The following SUPT3H variants were observed in gnomAD, a reference collection of about 807,000 sequenced individuals.
SUPT3H encodes transcription initiation protein SPT3 homolog.
A neutral mutation model predicts 44.3 loss-of-function variants in SUPT3H; 44 were observed. The observed-to-expected ratio is 0.99, with a 90% CI of 0.78 to 1.28. The LOEUF is 1.28. SUPT3H is among the 50% of genes most tolerant of loss of function. The pLI, the probability that SUPT3H is intolerant of heterozygous loss-of-function variation, is 0.00. For missense variants in SUPT3H, 380 were observed against 387.1 expected (o/e 0.98, Z 0.15); for synonymous variants, 124 against 125.6 (o/e 0.99, Z 0.09).
chr6:44,938,294 C>G (rs115645158), intron 9 of SUPT3H, among the ~76,000 whole-genome samples: 2,697 of 152,134 alleles, frequency 0.018, 51 homozygotes, highest in South Asian at 0.092. Flanking sequence ...TCTGCATATG[C>G]TGATCCAATT....
At chr6:44,925,406 C>T (rs1769368329) in intron 10 of SUPT3H, among the ~76,000 whole-genome samples, 1 of 152,292 alleles carries the variant, frequency 6.6e-6, no homozygotes, top group African/African-American at 2.4e-5. Flanking sequence ...TATTGTCTCA[C>T]TATTCTAGTT....
intron 2 of SUPT3H, among the ~76,000 whole-genome samples, chr6:45,227,183 T>C (rs1005498534): frequency 1.3e-5 from 2 of 151,778 alleles, no homozygotes; most frequent in Middle Eastern, 3.4e-3. Context: ...ATAGTTAGTA[T>C]ATGAAATAAT....
chr6:45,043,125 T>C (rs1284093676), intron 3 of SUPT3H, among the ~76,000 whole-genome samples: 2 of 119,746 alleles, frequency 1.7e-5, no homozygotes, highest in Non-Finnish European at 3.5e-5. Context: ...GGGAGCCTTG[T>C]ATCTTACATA....
chr6:45,257,718 A>C (rs2153655974), intron 2 of SUPT3H, among the ~76,000 whole-genome samples: 1 of 152,268 alleles, frequency 6.6e-6, no homozygotes, highest in Non-Finnish European at 1.5e-5. Context: ...AGAGAACAAG[A>C]GGGAGCCAAA....
chr6:44,955,776 A>G (rs1775033973), intron 7 of SUPT3H, among the ~76,000 whole-genome samples: 1 of 152,168 alleles, frequency 6.6e-6, no homozygotes, highest in African/African-American at 2.4e-5. Context: ...TGGGTACAAT[A>G]TACACACTGC....
At chr6:45,166,689 T>A (rs1809936806) in intron 2 of SUPT3H, among the ~76,000 whole-genome samples, 1 of 146,466 alleles carries the variant, frequency 6.8e-6, no homozygotes. Context: ...AAAAGCAAAA[T>A]CCCCAAAAAT....
chr6:45,080,543 C>T (rs190677931), intron 3 of SUPT3H, among the ~76,000 whole-genome samples: 92 of 151,700 alleles, frequency 6.1e-4, no homozygotes, highest in East Asian at 5.0e-3. Context: ...TGTCCATCAA[C>T]AGAAGAATGA....
intron 2 of SUPT3H, among the ~76,000 whole-genome samples, chr6:45,214,431 A>G (rs1257187374): frequency 6.6e-6 from 1 of 152,192 alleles, no homozygotes; most frequent in Non-Finnish European, 1.5e-5. Flanking sequence ...CATACAAAAA[A>G]AAATGAAAAA....
chr6:44,849,130 G>A (rs536347987), intron 10 of SUPT3H, among the ~76,000 whole-genome samples: 5 of 151,274 alleles, frequency 3.3e-5, no homozygotes, highest in African/African-American at 1.2e-4. Flanking sequence ...AATATTTGTT[G>A]AATAAATTTA....
chr6:45,340,785 C>T lies in SUPT3H; in HGVS notation c.101+24416G>A, dbSNP rs190134956. 9.1e-3 allele frequency among the ~76,000 whole-genome samples: 1,380 copies of T among 152,114 alleles called. 14 individuals carry two copies. The highest frequency in any genetic ancestry group is 0.028 in the South Asian group (137 of 4,810). On this transcript the variant is annotated intron_variant, in intron 2 of 10. Transcript: ENST00000371459. The stretch of plus-strand genomic sequence containing the variant: ...TTAAACACTTAAACACCAAGAATGT[C>T]TAATCCTCATTTATAAAATTAAAAT...
intron 9 of SUPT3H, among the ~76,000 whole-genome samples, chr6:44,943,151 G>A (rs35103634): frequency 0.12 from 18,206 of 151,132 alleles, 1,427 homozygotes; most frequent in East Asian, 0.27. Context: ...TGTAACAAAC[G>A]GACAAATAAA....
intron 2 of SUPT3H, among the ~76,000 whole-genome samples, chr6:45,305,476 C>T (rs1172479003): frequency 6.6e-6 from 1 of 152,190 alleles, no homozygotes; most frequent in Non-Finnish European, 1.5e-5. Flanking sequence ...AATGTTCCTT[C>T]CACCAACTTG....
At chr6:45,234,356 C>A (rs902084315) in intron 2 of SUPT3H, among the ~76,000 whole-genome samples, 1 of 151,822 alleles carries the variant, frequency 6.6e-6, no homozygotes, top group Non-Finnish European at 1.5e-5. Flanking sequence ...CATGGTGAAA[C>A]CCTGTCTCTA....
At chr6:44,887,733 T>C (rs1447823006) in intron 10 of SUPT3H, among the ~76,000 whole-genome samples, 1 of 150,758 alleles carries the variant, frequency 6.6e-6, no homozygotes, top group Non-Finnish European at 1.5e-5. Context: ...GCAAACACAT[T>C]CAAAAGCTAG....
chr6:45,377,578 T>C (rs914477544), intron 1 of SUPT3H, among the ~76,000 whole-genome samples, 190 bp downstream of exon 1: 3 of 151,108 alleles, frequency 2.0e-5, no homozygotes, highest in African/African-American at 7.3e-5. Context: ...GGCCAGCGCC[T>C]CCCACAGCCG....
At chr6:44,906,339 A>C (rs183636941) in intron 10 of SUPT3H, among the ~76,000 whole-genome samples, 14 of 152,272 alleles carry the variant, frequency 9.2e-5, no homozygotes, top group Non-Finnish European at 1.6e-4. Context: ...TTTACAGAGG[A>C]ACAATGTTTA....
intron 10 of SUPT3H, among the ~76,000 whole-genome samples, chr6:44,911,265 C>T (rs997130232): frequency 1.3e-4 from 16 of 122,916 alleles, no homozygotes; most frequent in African/African-American, 4.6e-4. Flanking sequence ...ATTTTTTAGT[C>T]AGCATTCCCA....
intron 6 of SUPT3H, among the ~76,000 whole-genome samples, chr6:44,993,487 A>G (rs1183239656): frequency 6.6e-6 from 1 of 152,138 alleles, no homozygotes; most frequent in Non-Finnish European, 1.5e-5. Context: ...AGCACTTATG[A>G]CAACAAATAC....
intron 2 of SUPT3H, among the ~76,000 whole-genome samples, chr6:45,109,830 T>C (rs560013340): frequency 2.0e-5 from 3 of 152,304 alleles, no homozygotes; most frequent in East Asian, 1.9e-4. Flanking sequence ...TATACAACTA[T>C]TTTGATTTTT....
Sources: allele counts gnomAD v4.1 joint callset (sites outside exome capture counted in the v4.1 genomes callset), GRCh38; gene constraint gnomAD v4.1.1; transcripts MANE v1.5; gene names NCBI Gene and HGNC (gene_info 2026-07-23, HGNC 2026-07-21).